The following CHCHD3 variants were observed in gnomAD, a reference collection of about 807,000 sequenced individuals.
The protein encoded by CHCHD3 is MICOS complex subunit MIC19.
CHCHD3 carries 20 observed loss-of-function variants against 38.2 expected under a neutral mutation model. The ratio of observed to expected loss-of-function variants is 0.52; its 90% CI spans 0.37 to 0.76. The LOEUF (loss-of-function observed/expected upper bound fraction) is 0.76. CHCHD3 is among the 30% of genes least tolerant of loss of function. The probability of loss-of-function intolerance (pLI) is 0.00; values close to 1 mark genes in which losing one functional copy is unlikely to be tolerated. For missense variants in CHCHD3, 245 were observed against 279.2 expected (o/e 0.88, Z 0.87); for synonymous variants, 82 against 100.0 (o/e 0.82, Z 1.07).
intron 4 of CHCHD3, among the ~76,000 whole-genome samples, chr7:132,927,943 A>G (rs1248505061): frequency 6.6e-6 from 1 of 152,156 alleles, no homozygotes; most frequent in African/African-American, 2.4e-5. Flanking sequence ...ATTCATACAA[A>G]AAAAATTGAT....
At chr7:132,928,607 G>C (rs1177800168) in intron 4 of CHCHD3, among the ~76,000 whole-genome samples, 1 of 152,146 alleles carries the variant, frequency 6.6e-6, no homozygotes, top group Non-Finnish European at 1.5e-5. Context: ...TGAAGCAGGA[G>C]AATCACTTGA....
At chr7:133,074,828 C>A (rs1269147702) in intron 1 of CHCHD3, among the ~76,000 whole-genome samples, 1 of 152,116 alleles carries the variant, frequency 6.6e-6, no homozygotes, top group Non-Finnish European at 1.5e-5. Context: ...ATAATGTTTA[C>A]CCCAGAGATT....
chr7:133,026,767 CAG>C (rs1267704149), intron 2 of CHCHD3, among the ~76,000 whole-genome samples: 8 of 152,200 alleles, frequency 5.3e-5, no homozygotes, highest in African/African-American at 1.9e-4. Flanking sequence ...GGAAAGAAGT[CAG>C]ACATGAAAGG....
chr7:132,854,035 T>C (rs905571164), intron 5 of CHCHD3, among the ~76,000 whole-genome samples: 1 of 152,200 alleles, frequency 6.6e-6, no homozygotes, highest in Non-Finnish European at 1.5e-5. Context: ...ACAGATGCAT[T>C]AAGTGTCAAT....
At chr7:133,009,530 G>A (rs1469638623) in intron 3 of CHCHD3, among the ~76,000 whole-genome samples, 1 of 134,708 alleles carries the variant, frequency 7.4e-6, no homozygotes, top group African/African-American at 2.6e-5. Flanking sequence ...GATCTCTCAG[G>A]TTACGACAAA....
intron 6 of CHCHD3, among the ~76,000 whole-genome samples, chr7:132,811,656 T>C (rs1397648428): frequency 1.3e-5 from 2 of 152,236 alleles, no homozygotes; most frequent in Non-Finnish European, 2.9e-5. Context: ...TGATTTTTAG[T>C]AGACATCTTA....
chr7:132,957,493 T>C (rs1379744175), intron 4 of CHCHD3, among the ~76,000 whole-genome samples: 1 of 152,006 alleles, frequency 6.6e-6, no homozygotes, highest in East Asian at 1.9e-4. Context: ...CTTTTTTTCT[T>C]TTTTTTTGAG....
chr7:132,943,830 T>C (rs1810832184), intron 4 of CHCHD3, among the ~76,000 whole-genome samples: 1 of 152,124 alleles, frequency 6.6e-6, no homozygotes, highest in African/African-American at 2.4e-5. Context: ...TGTCTCTCTA[T>C]TTCACTATCT....
chr7:133,007,232 T>C (rs931501874), intron 3 of CHCHD3, among the ~76,000 whole-genome samples: 1 of 152,094 alleles, frequency 6.6e-6, no homozygotes, highest in African/African-American at 2.4e-5. Flanking sequence ...ACCAGGCTAA[T>C]AAAGAATTGA....
At chr7:132,911,477 C>A (rs1809949845) in intron 4 of CHCHD3, among the ~76,000 whole-genome samples, 1 of 152,206 alleles carries the variant, frequency 6.6e-6, no homozygotes, top group South Asian at 2.1e-4. Context: ...AAGACGCTGA[C>A]AATGGACCTA....
chr7:132,845,570 T>G (rs1040998081), intron 5 of CHCHD3, among the ~76,000 whole-genome samples: 17 of 152,184 alleles, frequency 1.1e-4, no homozygotes, highest in African/African-American at 4.1e-4. Flanking sequence ...CCAATAACAT[T>G]TGACCTTATC....
intron 5 of CHCHD3, among the ~76,000 whole-genome samples, chr7:132,882,501 T>TATA: frequency 7.3e-6 from 1 of 137,356 alleles, no homozygotes; most frequent in African/African-American, 2.9e-5. Context: ...ATATATATAT[T>TATA]CACAATAATT....
chr7:132,913,459 A>T (rs1810015247), intron 4 of CHCHD3, among the ~76,000 whole-genome samples: 1 of 152,306 alleles, frequency 6.6e-6, no homozygotes, highest in South Asian at 2.1e-4. Context: ...CATCAGGCAA[A>T]AAAACAGGTC....
intron 6 of CHCHD3, among the ~76,000 whole-genome samples, chr7:132,824,730 C>CGA (rs1807467170): frequency 6.6e-6 from 1 of 152,098 alleles, no homozygotes; most frequent in Non-Finnish European, 1.5e-5. Context: ...TCTCATATTC[C>CGA]ACTAGACCTC....
intron 2 of CHCHD3, among the ~76,000 whole-genome samples, chr7:133,053,118 C>T (rs914160661): frequency 6.6e-6 from 1 of 152,194 alleles, no homozygotes; most frequent in Non-Finnish European, 1.5e-5. Flanking sequence ...GCAGTCACTG[C>T]TTTTTACAAT....
intron 4 of CHCHD3, among the ~76,000 whole-genome samples, chr7:132,886,086 C>T (rs1347322172): frequency 1.3e-5 from 2 of 151,988 alleles, no homozygotes; most frequent in African/African-American, 4.8e-5. Flanking sequence ...TTAATTTTAT[C>T]CTGGGCATAA....
intron 6 of CHCHD3, among the ~76,000 whole-genome samples, chr7:132,801,049 G>C (rs1806780135): frequency 1.3e-5 from 2 of 152,250 alleles, no homozygotes; most frequent in South Asian, 4.1e-4. Flanking sequence ...GTTAAACCCA[G>C]TGATCAGGAT....
At chr7:132,961,943 T>A (rs1811330667) in intron 4 of CHCHD3, among the ~76,000 whole-genome samples, 1 of 152,236 alleles carries the variant, frequency 6.6e-6, no homozygotes, top group Admixed American at 6.5e-5. Flanking sequence ...ACACTCACCA[T>A]GTTGCCAATT....
intron 3 of CHCHD3, among the ~76,000 whole-genome samples, chr7:133,018,022 G>C (rs1222372678): frequency 6.6e-6 from 1 of 152,088 alleles, no homozygotes; most frequent in Non-Finnish European, 1.5e-5. Context: ...AACTGGTTAG[G>C]TCTTTTTATC....
Sources: allele counts gnomAD v4.1 joint callset (sites outside exome capture counted in the v4.1 genomes callset), GRCh38; gene constraint gnomAD v4.1.1; transcripts MANE v1.5; gene names NCBI Gene and HGNC (gene_info 2026-07-23, HGNC 2026-07-21).